The following RBFOX1 variants were observed in gnomAD, a reference collection of about 807,000 sequenced individuals.
The protein encoded by RBFOX1 is RNA binding protein fox-1 homolog 1.
Under a neutral mutation model 57.7 loss-of-function variants are expected in RBFOX1, and 8 were observed. That is an observed-to-expected ratio of 0.14 (90% CI 0.08 to 0.25). The LOEUF is 0.25. Ranked by LOEUF, RBFOX1 falls within the 10% of genes least tolerant of loss-of-function variation. The pLI, the probability that RBFOX1 is intolerant of heterozygous loss-of-function variation, is 1.00. For synonymous variants in RBFOX1, 326 were observed against 222.4 expected (o/e 1.47, Z -4.15); for missense variants, 611 against 548.5 (o/e 1.11, Z -1.14).
chr16:5,528,719 G>A (rs944901905), intron 2 of RBFOX1, among the ~76,000 whole-genome samples: 4 of 149,864 alleles, frequency 2.7e-5, no homozygotes, highest in African/African-American at 2.5e-5. Flanking sequence ...GCGCAATCTC[G>A]GCTCACTGCA....
chr16:5,656,802 A>T (rs544337764), intron 3 of RBFOX1, among the ~76,000 whole-genome samples: 8 of 152,190 alleles, frequency 5.3e-5, no homozygotes, highest in South Asian at 2.1e-4. Context: ...TCTATCATTG[A>T]TGGGCGTTTG....
intron 3 of RBFOX1, among the ~76,000 whole-genome samples, chr16:6,762,939 A>G (rs2076829044): frequency 6.6e-6 from 1 of 152,204 alleles, no homozygotes; most frequent in Non-Finnish European, 1.5e-5. Flanking sequence ...AACCTGAAGA[A>G]CAAGTAGGAG....
At chr16:6,907,598 C>G (rs1324088926) in intron 3 of RBFOX1, among the ~76,000 whole-genome samples, 1 of 152,060 alleles carries the variant, frequency 6.6e-6, no homozygotes, top group East Asian at 1.9e-4. Flanking sequence ...TTGATGGAGT[C>G]TCACTCTGGT....
chr16:6,048,819 CG>C (rs1404955852), intron 1 of RBFOX1, among the ~76,000 whole-genome samples: 1 of 152,074 alleles, frequency 6.6e-6, no homozygotes, highest in Non-Finnish European at 1.5e-5. Flanking sequence ...AAAGACATAG[CG>C]TTATTCCTTT....
At chr16:7,471,001 T>G (rs971785522) in intron 4 of RBFOX1, among the ~76,000 whole-genome samples, 1 of 152,136 alleles carries the variant, frequency 6.6e-6, no homozygotes, top group Admixed American at 6.5e-5. Flanking sequence ...CCAAGATAGA[T>G]TTTATTGAAC....
At chr16:6,171,820 A>G (rs544720476) in intron 1 of RBFOX1, among the ~76,000 whole-genome samples, 1 of 151,456 alleles carries the variant, frequency 6.6e-6, no homozygotes, top group Non-Finnish European at 1.5e-5. Flanking sequence ...TATTTTATTT[A>G]TTTATTTATT....
At chr16:7,331,137 C>T (rs1028278510) in intron 4 of RBFOX1, among the ~76,000 whole-genome samples, 2 of 152,132 alleles carry the variant, frequency 1.3e-5, no homozygotes, top group African/African-American at 2.4e-5. Flanking sequence ...TCTAGAAATG[C>T]AATTATGCAG....
intron 3 of RBFOX1, among the ~76,000 whole-genome samples, chr16:6,978,604 G>T (rs8051080): frequency 2.6e-5 from 4 of 151,996 alleles, no homozygotes; most frequent in Non-Finnish European, 4.4e-5. Context: ...CAGGTTGGGT[G>T]CCTTCCACAT....
At chr16:6,896,783 T>A (rs1311126802) in intron 3 of RBFOX1, among the ~76,000 whole-genome samples, 1 of 152,102 alleles carries the variant, frequency 6.6e-6, no homozygotes. Context: ...CAAATGTACA[T>A]GAGAGGTGGG....
At chr16:7,680,673 G>C (rs909541821) in intron 14 of RBFOX1, among the ~76,000 whole-genome samples, 1 of 152,160 alleles carries the variant, frequency 6.6e-6, no homozygotes, top group Non-Finnish European at 1.5e-5. Context: ...CTGAGCAAAA[G>C]ATGGCAACCA....
At chr16:6,867,752 G>T (rs1460265582) in intron 3 of RBFOX1, among the ~76,000 whole-genome samples, 1 of 152,168 alleles carries the variant, frequency 6.6e-6, no homozygotes. Context: ...ATCAGTTAAT[G>T]TGTGAATTAC....
At chr16:6,967,262 A>G (rs1310402092) in intron 3 of RBFOX1, among the ~76,000 whole-genome samples, 4 of 152,056 alleles carry the variant, frequency 2.6e-5, no homozygotes, top group Admixed American at 2.6e-4. Context: ...GTCTGTCTGT[A>G]CACTCATCAT....
At chr16:6,488,069 G>A (rs1256161947) in intron 2 of RBFOX1, among the ~76,000 whole-genome samples, 2 of 152,056 alleles carry the variant, frequency 1.3e-5, no homozygotes, top group Non-Finnish European at 2.9e-5. Context: ...AATACAGAAA[G>A]CAACAACCAA....
intron 6 of RBFOX1, among the ~76,000 whole-genome samples, chr16:7,582,495 T>A (rs1034722900): frequency 2.0e-5 from 3 of 152,178 alleles, no homozygotes; most frequent in Admixed American, 2.0e-4. Flanking sequence ...ATCTGTTCTT[T>A]CCTGCCAAAC....
intron 2 of RBFOX1, among the ~76,000 whole-genome samples, chr16:6,629,758 G>C (rs148659845): frequency 1.3e-5 from 2 of 152,278 alleles, no homozygotes; most frequent in East Asian, 1.9e-4. Flanking sequence ...TTTATTTCTA[G>C]CTTAATTAGT....
intron 4 of RBFOX1, among the ~76,000 whole-genome samples, chr16:5,948,493 T>C (rs1448748685): frequency 6.6e-6 from 1 of 152,174 alleles, no homozygotes; most frequent in Non-Finnish European, 1.5e-5. Context: ...TTTGAAGATA[T>C]AATTAGTTAA....
chr16:5,250,201 G>T (rs1247728622), intron 1 of RBFOX1, among the ~76,000 whole-genome samples: 1 of 151,676 alleles, frequency 6.6e-6, no homozygotes, highest in African/African-American at 2.4e-5. Context: ...TGCTTTTCTT[G>T]ATCTTGCTTC....
chr16:6,847,680 A>T (rs976979861), intron 3 of RBFOX1, among the ~76,000 whole-genome samples: 1 of 152,188 alleles, frequency 6.6e-6, no homozygotes, highest in Admixed American at 6.5e-5. Context: ...AGAGGCTGAT[A>T]CGGTTATTTG....
chr16:5,400,184 C>T lies in RBFOX1; in HGVS notation c.220-67032C>T, dbSNP rs531982486. Among the ~76,000 whole-genome samples the T allele has an allele frequency of 3.3e-5, 5 of 152,106 alleles. No individual in the cohort carries two copies. In the East Asian group the frequency reaches 5.8e-4, roughly 18 times the overall value. On this transcript the variant is annotated intron_variant, in intron 1 of 2. Coordinates refer to the RBFOX1 transcript ENST00000585867. Reference sequence around the variant, plus strand: ...TTGGCTCACTGCAACCTCTGCCTCCCGGGTTCAAGCGATTCTGCTGCCTCA... The same window carrying T: ...TTGGCTCACTGCAACCTCTGCCTCCTGGGTTCAAGCGATTCTGCTGCCTCA...
Sources: allele counts gnomAD v4.1 joint callset (sites outside exome capture counted in the v4.1 genomes callset), GRCh38; gene constraint gnomAD v4.1.1; transcripts MANE v1.5; gene names NCBI Gene and HGNC (gene_info 2026-07-23, HGNC 2026-07-21).